DDX10: variants seen among roughly 807,000 people sequenced by gnomAD.
DDX10 encodes the protein probable ATP-dependent RNA helicase DDX10.
A neutral mutation model predicts 104.3 loss-of-function variants in DDX10; 74 were observed. The ratio of observed to expected loss-of-function variants is 0.71; its 90% CI spans 0.59 to 0.86. The LOEUF is 0.86. Among genes scored for constraint, DDX10 ranks in the 40% least tolerant of loss-of-function variants. DDX10 has a pLI of 0.00. For missense variants in DDX10, 952 were observed against 1,040.0 expected (o/e 0.92, Z 1.16); for synonymous variants, 351 against 353.4 (o/e 0.99, Z 0.08).
intron 13 of DDX10, among the ~76,000 whole-genome samples, chr11:108,794,557 AG>A (rs1471169428): frequency 1.4e-3 from 2 of 1,474 alleles, no homozygotes; most frequent in Non-Finnish European, 2.8e-3. Context: ...CCTTCTGTTC[AG>A]TTTTTTTTTT....
intron 13 of DDX10, among the ~76,000 whole-genome samples, chr11:108,739,343 A>G (rs576738242): frequency 6.6e-6 from 1 of 152,226 alleles, no homozygotes; most frequent in Non-Finnish European, 1.5e-5. Context: ...GTTTTGTTTG[A>G]TAAGACCCTA....
intron 13 of DDX10, among the ~76,000 whole-genome samples, chr11:108,736,915 AG>A (rs1178402090): frequency 6.6e-6 from 1 of 152,230 alleles, no homozygotes; most frequent in Non-Finnish European, 1.5e-5. Context: ...CCTAAAGGGA[AG>A]GAAGATTAAG....
intron 13 of DDX10, chr11:108,727,860 A>ACAG: frequency 4.9e-6 from 1 of 203,702 alleles, no homozygotes; most frequent in Non-Finnish European, 1.0e-5. Flanking sequence ...CATAGAAAAT[A>ACAG]CATGTGAAGA....
At chr11:108,935,061 C>T (rs1445109728) in intron 17 of DDX10, among the ~76,000 whole-genome samples, 4 of 152,094 alleles carry the variant, frequency 2.6e-5, no homozygotes, top group Admixed American at 6.6e-5. Flanking sequence ...ATGAATGGAC[C>T]TTTATTGAAT....
Position 108,692,142 on chromosome 11 carries a change from T to C in DDX10, c.1138+104T>C, listed in dbSNP as rs1328869135. 6.5e-6 allele frequency: 7 copies of C among 1,071,298 alleles called. No homozygotes were observed. The Admixed American group carries it at 2.0e-4, about 31-fold the overall frequency. The allele number at this position is 1,071,298 out of a possible 1,614,324, so 66.4% of individuals were successfully genotyped here. On this transcript the variant is annotated intron_variant, in intron 8 of 17. Coordinates refer to ENST00000322536, the MANE Select transcript of DDX10 (RefSeq NM_004398.4). ...GATAGACTCAAACACTTGGGTTTCTTTTCTTATTTTGTAAGAGAAAAGTAA... is the reference window on the plus strand; with the variant it reads ...GATAGACTCAAACACTTGGGTTTCTCTTCTTATTTTGTAAGAGAAAAGTAA...
rs563792133 is a variant in DDX10 at position 108,713,927 on chromosome 11, C to G, written c.1323-1952C>G. On this transcript the variant is annotated intron_variant, in intron 10 of 17. Transcript: ENST00000322536. ...TTTCAGTCTCTGCCTTCCCATCACCCCAACTTAAGTGGGAAAGGATGGCTA... is the reference window on the plus strand; with the variant it reads ...TTTCAGTCTCTGCCTTCCCATCACCGCAACTTAAGTGGGAAAGGATGGCTA... Among the ~76,000 whole-genome samples, 6 of 152,204 alleles carry G rather than the reference C, an allele frequency of 3.9e-5. No individual in the cohort carries two copies. The South Asian group carries it at 6.2e-4, about 16-fold the overall frequency.
At chr11:108,939,492 G>A (rs1460896347) in intron 17 of DDX10, among the ~76,000 whole-genome samples, 1 of 152,178 alleles carries the variant, frequency 6.6e-6, no homozygotes, top group Non-Finnish European at 1.5e-5. Context: ...CTAATAGATG[G>A]ACTTTTTATT....
chr11:108,685,283 T>C (rs1270676978), intron 6 of DDX10, among the ~76,000 whole-genome samples: 1 of 150,526 alleles, frequency 6.6e-6, no homozygotes, highest in Non-Finnish European at 1.5e-5. Flanking sequence ...CGGGTGGGAG[T>C]GACCCGATTT....
At chr11:108,834,131 T>G (rs898514588) in intron 13 of DDX10, among the ~76,000 whole-genome samples, 1 of 151,574 alleles carries the variant, frequency 6.6e-6, no homozygotes, top group Non-Finnish European at 1.5e-5. Flanking sequence ...AATTTTTTTT[T>G]TTTTTTTTTT....
At chr11:108,741,952 A>G (rs935760960) in intron 13 of DDX10, among the ~76,000 whole-genome samples, 1 of 152,170 alleles carries the variant, frequency 6.6e-6, no homozygotes, top group Admixed American at 6.5e-5. Flanking sequence ...ACTGAAGGAC[A>G]TTGAGACACA....
intron 16 of DDX10, among the ~76,000 whole-genome samples, chr11:108,916,059 A>C (rs1208864440): frequency 6.6e-6 from 1 of 151,672 alleles, no homozygotes; most frequent in Non-Finnish European, 1.5e-5. Flanking sequence ...TTAAATTTTT[A>C]ATTTCTAATA....
intron 13 of DDX10, among the ~76,000 whole-genome samples, chr11:108,805,867 T>C (rs1862090935): frequency 2.6e-5 from 4 of 152,320 alleles, no homozygotes; most frequent in Admixed American, 2.6e-4. Context: ...AGAAAAACTT[T>C]GATACTCAGA....
intron 16 of DDX10, among the ~76,000 whole-genome samples, chr11:108,855,822 C>T (rs1264101758): frequency 6.6e-6 from 1 of 152,080 alleles, no homozygotes; most frequent in Non-Finnish European, 1.5e-5. Context: ...TATGAAGGAA[C>T]AAAGAGTAGG....
chr11:108,706,642 A>G (rs1451529659), intron 9 of DDX10, 97 bp from the exon 10 acceptor site: 1 of 925,510 alleles, frequency 1.1e-6, no homozygotes, highest in Non-Finnish European at 1.7e-6. Flanking sequence ...TTATGGTTAG[A>G]CAAAAATGGT....
intron 13 of DDX10, among the ~76,000 whole-genome samples, chr11:108,789,696 T>G (rs1418216255): frequency 6.6e-6 from 1 of 152,170 alleles, no homozygotes; most frequent in East Asian, 1.9e-4. Context: ...AGGGATAACA[T>G]GTAGGATGCT....
intron 13 of DDX10, among the ~76,000 whole-genome samples, chr11:108,832,842 A>G (rs1418558309): frequency 6.6e-6 from 1 of 152,228 alleles, no homozygotes; most frequent in Non-Finnish European, 1.5e-5. Flanking sequence ...GATATAATCA[A>G]GGCTTTTAAT....
Position 108,715,981 on chromosome 11 carries a change from A to C in DDX10, c.1410+15A>C. 7.5e-7 allele frequency: 1 copy of C among 1,336,710 alleles called. No individual in the cohort carries two copies. Among genetic ancestry groups the C allele is most frequent in the Non-Finnish European group, 1.1e-6 (1 of 935,478 alleles). 82.8% of individuals were successfully genotyped at this position (1,336,710 alleles called of 1,614,324 possible). On this transcript the variant is annotated intron_variant, in intron 11 of 17. Transcript: ENST00000322536. ...GAGCTCAAAGGGTAAGTCATTTTTC[A>C]GTTGGATACTTTCATTGACTGGAAA...
At chr11:108,922,243 C>CAAAA (rs3030537) in intron 17 of DDX10, 2 of 79,352 alleles carry the variant, frequency 2.5e-5, no homozygotes, top group Non-Finnish European at 4.7e-5. Flanking sequence ...GACTCCATCT[C>CAAAA]AAAAAAAAAA....
intron 2 of DDX10, 124 bp downstream of exon 2, chr11:108,673,651 A>G (rs762340000): frequency 1.5e-4 from 99 of 650,872 alleles, no homozygotes; most frequent in Non-Finnish European, 2.2e-4. Context: ...CATGAAAACC[A>G]ATGAAAATAA....
Sources: allele counts gnomAD v4.1 joint callset (sites outside exome capture counted in the v4.1 genomes callset), GRCh38; gene constraint gnomAD v4.1.1; transcripts MANE v1.5; gene names NCBI Gene and HGNC (gene_info 2026-07-23, HGNC 2026-07-21).